Variants in DMD observed in about 807,000 individuals in gnomAD.
DMD encodes the protein mutant dystrophin.
A neutral mutation model predicts 330.1 loss-of-function variants in DMD; 63 were observed. The ratio of observed to expected loss-of-function variants is 0.19; its 90% CI spans 0.16 to 0.24. The LOEUF (loss-of-function observed/expected upper bound fraction) is 0.24, where lower values mean the gene tolerates loss of function less well. DMD is among the 10% of genes least tolerant of loss of function. The probability of loss-of-function intolerance (pLI) is 1.00; values close to 1 mark genes in which losing one functional copy is unlikely to be tolerated. For synonymous variants in DMD, 1,223 were observed against 959.8 expected, an observed-to-expected ratio of 1.27 and a Z score of -5.07; for missense variants, 3,344 against 2,684.1, an observed-to-expected ratio of 1.25 and a Z score of -5.43.
chrX:32,042,747 T>C (rs111261967), intron 44 of DMD, among the ~76,000 whole-genome samples: 13 of 112,376 alleles, frequency 1.2e-4, no homozygotes, highest in African/African-American at 3.9e-4. Context: ...ATAGAGCACA[T>C]TCTTTTAAAT....
chrX:32,641,436 A>C (rs57815999), intron 11 of DMD: 2,407 of 113,638 alleles, frequency 0.021, 31 homozygotes, highest in African/African-American at 0.05. Flanking sequence ...ATATATATAT[A>C]TCTCACAATG....
intron 18 of DMD, among the ~76,000 whole-genome samples, chrX:32,505,562 G>A (rs189976372): frequency 1.6e-3 from 179 of 112,243 alleles, no homozygotes; most frequent in Non-Finnish European, 3.0e-3. Flanking sequence ...CATTTCTGGT[G>A]GCAATGCAAA....
intron 30 of DMD, among the ~76,000 whole-genome samples, chrX:32,396,054 C>A (rs181480097): frequency 6.9e-4 from 77 of 110,914 alleles, no homozygotes; most frequent in Non-Finnish European, 1.1e-3. Flanking sequence ...TGATAAGTTC[C>A]ACATTTTCCC....
At chrX:31,438,959 A>T (rs1490622938) in intron 60 of DMD, among the ~76,000 whole-genome samples, 1 of 111,349 alleles carries the variant, frequency 9.0e-6, no homozygotes, top group Non-Finnish European at 1.9e-5. Context: ...TTGTTGGAAA[A>T]AAACTGGTTA....
chrX:31,660,898 T>C (rs998047266), intron 53 of DMD, among the ~76,000 whole-genome samples: 55 of 111,343 alleles, frequency 4.9e-4, no homozygotes, highest in African/African-American at 1.8e-3. Flanking sequence ...TCAATTACAC[T>C]TCAATAAAGC....
chrX:32,263,293 T>C (rs753815731), intron 43 of DMD, among the ~76,000 whole-genome samples: 11 of 112,216 alleles, frequency 9.8e-5, no homozygotes, highest in Non-Finnish European at 1.9e-4. Flanking sequence ...TATGGCTGAT[T>C]GCATAATAGA....
Position 31,967,595 on chromosome X carries a change from C to T in DMD, c.6614+744G>A, listed in dbSNP as rs778507409. ...GGGATGCAAGAGCTTGGCAAAAGAA[C>T]GAAGTTTTCATTGTTCATAACAATA... On this transcript the variant is annotated intron_variant, in intron 45 of 78. Coordinates refer to ENST00000357033, the MANE Select transcript of DMD (RefSeq NM_004006.3). Among the ~76,000 whole-genome samples, 125 of 110,835 alleles carry T rather than the reference C, an allele frequency of 1.1e-3. 2 individuals are homozygous for T. Among genetic ancestry groups the T allele is most frequent in the Admixed American group, 4.8e-3 (50 of 10,379 alleles).
chrX:32,146,262 A>G (rs774576811), intron 44 of DMD, among the ~76,000 whole-genome samples: 55 of 112,155 alleles, frequency 4.9e-4, no homozygotes, highest in Non-Finnish European at 9.6e-4. Flanking sequence ...ACAACTATAC[A>G]TAGATGATAG....
intron 13 of DMD, among the ~76,000 whole-genome samples, chrX:32,575,098 A>T (rs2052883738): frequency 9.0e-6 from 1 of 110,696 alleles, no homozygotes; most frequent in Non-Finnish European, 1.9e-5. Flanking sequence ...GGGTTTCGCC[A>T]TCTTGGCCAG....
At chrX:31,445,683 C>T (rs1272218738) in intron 59 of DMD, among the ~76,000 whole-genome samples, 1 of 111,578 alleles carries the variant, frequency 9.0e-6, no homozygotes, top group Non-Finnish European at 1.9e-5. Flanking sequence ...GCAATGACTT[C>T]AGAAGGCTCC....
chrX:33,164,345 A>G (rs780472703), intron 1 of DMD, among the ~76,000 whole-genome samples: 1 of 112,485 alleles, frequency 8.9e-6, no homozygotes, highest in South Asian at 3.6e-4. Flanking sequence ...GAAGCTTTAT[A>G]ATTTAAGGTT....
intron 44 of DMD, among the ~76,000 whole-genome samples, chrX:32,180,759 G>T (rs1050550133): frequency 1.8e-5 from 2 of 111,507 alleles, no homozygotes; most frequent in Admixed American, 1.9e-4. Flanking sequence ...TTCACAGGTG[G>T]CAGGAAGAAG....
intron 62 of DMD, among the ~76,000 whole-genome samples, chrX:31,301,009 A>C (rs974900859): frequency 1.8e-5 from 2 of 112,149 alleles, no homozygotes; most frequent in African/African-American, 6.5e-5. Context: ...GCAGTGCCTG[A>C]GCATTTGGAT....
intron 9 of DMD, among the ~76,000 whole-genome samples, chrX:32,658,486 A>G (rs192997556): frequency 1.8e-3 from 196 of 111,621 alleles, no homozygotes; most frequent in Non-Finnish European, 3.1e-3. Context: ...GTGAATAAAC[A>G]TGGATGTGTT....
chrX:32,200,462 A>G lies in DMD; in HGVS notation c.6438+16454T>C, dbSNP rs756482333. On this transcript the variant is annotated intron_variant, in intron 44 of 78. Coordinates refer to ENST00000357033, the MANE Select transcript of DMD (RefSeq NM_004006.3). ...TGCAAGCACACATGTAACAATACAT[A>G]TGTAACGTGTTATATATGTAACACG... Among the ~76,000 whole-genome samples the G allele has an allele frequency of 2.1e-4, 24 of 111,744 alleles. No individual in the cohort carries two copies. The East Asian group carries it at 6.5e-3, about 30-fold the overall frequency.
chrX:32,903,545 C>T (rs2086488531), intron 2 of DMD, among the ~76,000 whole-genome samples: 1 of 111,461 alleles, frequency 9.0e-6, no homozygotes, highest in Non-Finnish European at 1.9e-5. Context: ...AATGCTCACT[C>T]CCAGTCCCTC....
At position 31,419,318 on chromosome X, in the gene DMD, G is replaced by A. The variant is rs1475842522; in HGVS notation, c.9084+25163C>T. Among the ~76,000 whole-genome samples, 3 of 106,289 alleles carry A rather than the reference G, an allele frequency of 2.8e-5. No homozygotes were observed. In the East Asian group the frequency reaches 8.7e-4, roughly 31 times the overall value. 92.3% of individuals were successfully genotyped at this position (106,289 alleles called of 115,157 possible). A position where few individuals can be genotyped will look rare whatever the true frequency, so the allele number is the denominator to read the frequency against. On this transcript the variant is annotated intron_variant, in intron 60 of 78. Transcript: ENST00000357033. Reference sequence around the variant, plus strand: ...TACTATCCCTGGAATTATAATACTAGTTAGAACAATAGTTTTCAAACTTTG... The same window carrying A: ...TACTATCCCTGGAATTATAATACTAATTAGAACAATAGTTTTCAAACTTTG...
At chrX:31,139,273 T>C (rs764645605) in intron 76 of DMD, among the ~76,000 whole-genome samples, 12 of 111,507 alleles carry the variant, frequency 1.1e-4, no homozygotes, top group African/African-American at 3.6e-4. Flanking sequence ...CTTAAAGAAC[T>C]AAAATGTAGA....
chrX:32,956,513 G>A (rs2091594711), intron 2 of DMD, among the ~76,000 whole-genome samples: 1 of 111,524 alleles, frequency 9.0e-6, no homozygotes, highest in Admixed American at 9.6e-5. Context: ...CTCTGTTGTT[G>A]GTGTATAGGA....
Sources: allele counts gnomAD v4.1 joint callset (sites outside exome capture counted in the v4.1 genomes callset), GRCh38; gene constraint gnomAD v4.1.1; transcripts MANE v1.5; gene names NCBI Gene and HGNC (gene_info 2026-07-23, HGNC 2026-07-21).